Variants in MYO1E observed in about 807,000 individuals in gnomAD.
MYO1E encodes the protein unconventional myosin-Ie.
Under a neutral mutation model 151.1 loss-of-function variants are expected in MYO1E, and 68 were observed. The observed-to-expected ratio is 0.45, with a 90% CI of 0.37 to 0.55. The LOEUF (loss-of-function observed/expected upper bound fraction) is 0.55. Among genes scored for constraint, MYO1E ranks in the 20% least tolerant of loss-of-function variants. The pLI, the probability that MYO1E is intolerant of heterozygous loss-of-function variation, is 0.00. For missense variants in MYO1E, 1,363 were observed against 1,389.3 expected (o/e 0.98, Z 0.30); for synonymous variants, 601 against 501.7 (o/e 1.20, Z -2.64).
chr15:59,229,495 T>TG (rs1286673988), intron 6 of MYO1E, among the ~76,000 whole-genome samples: 57 of 152,318 alleles, frequency 3.7e-4, no homozygotes, highest in African/African-American at 1.3e-3. Context: ...TATAGCAGCC[T>TG]GGGGGGGATG....
intron 1 of MYO1E, among the ~76,000 whole-genome samples, chr15:59,278,421 T>C (rs2080334457): frequency 6.6e-6 from 1 of 152,198 alleles, no homozygotes; most frequent in African/African-American, 2.4e-5. Context: ...CTACCTATTT[T>C]AATTTTAAGA....
intron 1 of MYO1E, among the ~76,000 whole-genome samples, chr15:59,310,551 T>C (rs987996474): frequency 1.3e-5 from 2 of 152,122 alleles, no homozygotes; most frequent in South Asian, 2.1e-4. Flanking sequence ...CCAGCAACAC[T>C]AGAAGCTGAG....
chr15:59,162,600 C>T (rs993603145), intron 23 of MYO1E, among the ~76,000 whole-genome samples: 1 of 148,860 alleles, frequency 6.7e-6, no homozygotes, highest in Non-Finnish European at 1.5e-5. Context: ...GAGCCAAGGT[C>T]GCACCACTGT....
At chr15:59,225,721 C>A (rs1216708743) in intron 7 of MYO1E, among the ~76,000 whole-genome samples, 2 of 151,558 alleles carry the variant, frequency 1.3e-5, no homozygotes, top group Non-Finnish European at 2.9e-5. Context: ...ATCTCCGCTC[C>A]CTGCAAGCTC....
At chr15:59,254,440 C>A (rs569846511) in intron 4 of MYO1E, among the ~76,000 whole-genome samples, 21 of 152,142 alleles carry the variant, frequency 1.4e-4, no homozygotes, top group African/African-American at 3.6e-4. Flanking sequence ...CCTCCTGCCC[C>A]CTGGCTTCCC....
intron 25 of MYO1E, among the ~76,000 whole-genome samples, chr15:59,155,009 C>T (rs2079501786): frequency 6.6e-6 from 1 of 152,196 alleles, no homozygotes; most frequent in Non-Finnish European, 1.5e-5. Flanking sequence ...CATCTTACCT[C>T]ATTCCCTCAG....
At chr15:59,196,425 G>A (rs192775716) in intron 16 of MYO1E, among the ~76,000 whole-genome samples, 15 of 152,274 alleles carry the variant, frequency 9.9e-5, no homozygotes, top group African/African-American at 2.9e-4. Flanking sequence ...AGCACACCCT[G>A]TGGGTCCAAG....
At chr15:59,312,090 T>C (rs2080556061) in intron 1 of MYO1E, among the ~76,000 whole-genome samples, 1 of 152,242 alleles carries the variant, frequency 6.6e-6, no homozygotes, top group African/African-American at 2.4e-5. Context: ...TTTTCTCTCT[T>C]AATTCACTTT....
intron 1 of MYO1E, among the ~76,000 whole-genome samples, chr15:59,304,500 T>C (rs1003443812): frequency 3.3e-5 from 5 of 152,190 alleles, no homozygotes. Flanking sequence ...TTTTTATAGG[T>C]GCTACTAGAA....
At chr15:59,347,952 C>T (rs12324254) in intron 1 of MYO1E, among the ~76,000 whole-genome samples, 1,632 of 152,260 alleles carry the variant, frequency 0.011, 30 homozygotes, top group African/African-American at 0.038. Flanking sequence ...ATCCAAGACC[C>T]ACGTCATTTT....
At chr15:59,317,630 G>A (rs1294874005) in intron 1 of MYO1E, among the ~76,000 whole-genome samples, 7 of 152,188 alleles carry the variant, frequency 4.6e-5, no homozygotes, top group Non-Finnish European at 1.0e-4. Context: ...TAGTGTGAAA[G>A]TCTGGGTACA....
In MYO1E at chr15:59,214,423, T is replaced by G. The variant is rs73422940; in HGVS notation, c.1189-109A>C. 3.5e-3 allele frequency: 3,239 copies of G among 926,042 alleles called. 77 individuals carry two copies. The African/African-American group carries it at 0.049, about 14-fold the overall frequency. 57.4% of individuals were successfully genotyped at this position (926,042 alleles called of 1,614,324 possible). Reference sequence around the variant, plus strand: ...CATGTGAAAAGCTTTAATAGAAATGTTGGATGCATCAAAAGAAATAAGTTT... The same window carrying G: ...CATGTGAAAAGCTTTAATAGAAATGGTGGATGCATCAAAAGAAATAAGTTT... On this transcript the variant is annotated intron_variant, in intron 11 of 27. Transcript: ENST00000288235.
At chr15:59,346,053 AT>A (rs1405710866) in intron 1 of MYO1E, among the ~76,000 whole-genome samples, 4 of 152,222 alleles carry the variant, frequency 2.6e-5, no homozygotes, top group Non-Finnish European at 4.4e-5. Context: ...GGTTCTTAGA[AT>A]TACTTGATTC....
At chr15:59,345,600 T>C (rs1457482131) in intron 1 of MYO1E, among the ~76,000 whole-genome samples, 1 of 152,252 alleles carries the variant, frequency 6.6e-6, no homozygotes, top group African/African-American at 2.4e-5. Context: ...AAAATAGAAC[T>C]GCCTAACTAC....
At chr15:59,325,330 C>T (rs530470597) in intron 1 of MYO1E, among the ~76,000 whole-genome samples, 1 of 152,114 alleles carries the variant, frequency 6.6e-6, no homozygotes, top group Non-Finnish European at 1.5e-5. Flanking sequence ...CCACAGTGCC[C>T]GGCCAATTGT....
intron 1 of MYO1E, among the ~76,000 whole-genome samples, chr15:59,308,140 C>T (rs140151316): frequency 0.29 from 42,312 of 147,004 alleles, 7,862 homozygotes; most frequent in African/African-American, 0.52. Flanking sequence ...TGAGAATCAC[C>T]TGAACCCAGG....
intron 19 of MYO1E, among the ~76,000 whole-genome samples, chr15:59,176,869 T>C (rs2079628361): frequency 6.6e-6 from 1 of 152,072 alleles, no homozygotes; most frequent in South Asian, 2.1e-4. Context: ...TGTGAGTGCA[T>C]GTGTCAAAGA....
intron 1 of MYO1E, among the ~76,000 whole-genome samples, chr15:59,324,669 C>T (rs1457982809): frequency 6.6e-6 from 1 of 150,428 alleles, no homozygotes; most frequent in Non-Finnish European, 1.5e-5. Context: ...CCAAGCCCCC[C>T]CCCCACAGAG....
intron 1 of MYO1E, among the ~76,000 whole-genome samples, chr15:59,327,714 C>T (rs2080673877): frequency 1.3e-5 from 2 of 152,034 alleles, no homozygotes; most frequent in Admixed American, 6.6e-5. Flanking sequence ...TCATCCTGAC[C>T]GAGAATTGCC....
Sources: gnomAD v4.1 joint callset for allele counts (sites outside exome capture counted in the v4.1 genomes callset) on GRCh38, gnomAD v4.1.1 for gene constraint, MANE v1.5 for transcripts, NCBI Gene and HGNC (gene_info 2026-07-23, HGNC 2026-07-21) for gene names.